The following PCDH11X variants were observed in gnomAD, a reference collection of about 807,000 sequenced individuals.
PCDH11X encodes protocadherin 11 X-linked, also known as protocadherin-11 X-linked.
In PCDH11X, 18 loss-of-function variants were observed where a neutral mutation model predicts 53.3. The observed-to-expected ratio is 0.34, with a 90% CI of 0.23 to 0.50. The LOEUF (loss-of-function observed/expected upper bound fraction) is 0.50, where lower values mean the gene tolerates loss of function less well. Among genes scored for constraint, PCDH11X ranks in the 20% least tolerant of loss-of-function variants. PCDH11X has a pLI of 0.98. For missense variants in PCDH11X, 570 were observed against 1,032.4 expected, an observed-to-expected ratio of 0.55 and a Z score of 6.14; for synonymous variants, 279 against 393.3, an observed-to-expected ratio of 0.71 and a Z score of 3.44.
At chrX:91,781,788 G>C (rs919329116) in intron 1 of PCDH11X, among the ~76,000 whole-genome samples, 6 of 112,244 alleles carry the variant, frequency 5.3e-5, no homozygotes, top group African/African-American at 1.9e-4. Flanking sequence ...ATCATAGAGA[G>C]AGCGCGGACC....
At chrX:92,098,192 C>T (rs762035109) in intron 6 of PCDH11X, among the ~76,000 whole-genome samples, 1 of 110,302 alleles carries the variant, frequency 9.1e-6, no homozygotes, top group East Asian at 2.9e-4. Flanking sequence ...CTTCTTGCAC[C>T]AGTGTTTCCT....
chrX:92,180,305 C>T (rs940589632), intron 6 of PCDH11X, among the ~76,000 whole-genome samples: 1 of 111,197 alleles, frequency 9.0e-6, no homozygotes, highest in Non-Finnish European at 1.9e-5. Flanking sequence ...TCCTTCAACA[C>T]GTGGGGATTA....
intron 8 of PCDH11X, among the ~76,000 whole-genome samples, chrX:92,338,893 A>C (rs1603278100): frequency 8.9e-6 from 1 of 112,001 alleles, no homozygotes; most frequent in Non-Finnish European, 1.9e-5. Context: ...CTTTTATGTG[A>C]AATTCAACAT....
intron 10 of PCDH11X, among the ~76,000 whole-genome samples, chrX:92,588,961 G>A (rs1443122934): frequency 1.8e-5 from 2 of 110,892 alleles, no homozygotes; most frequent in Non-Finnish European, 3.8e-5. Context: ...AATACATCTA[G>A]AAGCAGACTT....
intron 10 of PCDH11X, among the ~76,000 whole-genome samples, chrX:92,608,202 A>T (rs1441969409): frequency 1.2e-5 from 1 of 82,407 alleles, no homozygotes; most frequent in East Asian, 3.2e-4. Flanking sequence ...GAAAAAGAGA[A>T]TTTTTTTTTT....
intron 6 of PCDH11X, among the ~76,000 whole-genome samples, chrX:91,971,957 T>G (rs2061966709): frequency 9.0e-6 from 1 of 111,442 alleles, no homozygotes; most frequent in African/African-American, 3.3e-5. Context: ...GACACAAAAT[T>G]TTAATTAGAT....
intron 10 of PCDH11X, among the ~76,000 whole-genome samples, chrX:92,586,453 G>A (rs1028237712): frequency 1.9e-5 from 2 of 106,316 alleles, no homozygotes; most frequent in African/African-American, 6.9e-5. Context: ...ATGGAACTAT[G>A]GATTGATTAA....
At chrX:92,064,280 G>T (rs2063570131) in intron 6 of PCDH11X, among the ~76,000 whole-genome samples, 1 of 108,616 alleles carries the variant, frequency 9.2e-6, no homozygotes, top group Non-Finnish European at 1.9e-5. Flanking sequence ...AGCAGTGATG[G>T]CCTCATTTTA....
chrX:92,205,601 T>G (rs1211186296), intron 7 of PCDH11X, among the ~76,000 whole-genome samples: 9 of 99,953 alleles, frequency 9.0e-5, no homozygotes, highest in Non-Finnish European at 1.4e-4. Context: ...ATCAATGTTT[T>G]TTTTTTTTTT....
intron 8 of PCDH11X, among the ~76,000 whole-genome samples, chrX:92,267,913 T>C (rs1413685064): frequency 1.8e-5 from 2 of 111,917 alleles, no homozygotes; most frequent in Admixed American, 1.9e-4. Context: ...CTTGTACTTA[T>C]AAAGCTACTA....
intron 6 of PCDH11X, among the ~76,000 whole-genome samples, chrX:92,131,247 T>C (rs1409572454): frequency 8.9e-6 from 1 of 112,337 alleles, no homozygotes; most frequent in Non-Finnish European, 1.9e-5. Context: ...ATATGTACAG[T>C]GTTGATTTTA....
chrX:92,113,101 T>C (rs769485310), intron 6 of PCDH11X: 1 of 571,548 alleles, frequency 1.7e-6, no homozygotes, highest in Non-Finnish European at 2.6e-6. Context: ...ATTTTTTTTT[T>C]TTTGCCTCAA....
intron 6 of PCDH11X, among the ~76,000 whole-genome samples, chrX:92,167,204 A>G (rs2065749774): frequency 9.0e-6 from 1 of 111,438 alleles, no homozygotes; most frequent in South Asian, 3.8e-4. Flanking sequence ...TCTAAAAGCT[A>G]TAAAACTGGA....
intron 6 of PCDH11X, among the ~76,000 whole-genome samples, chrX:92,132,669 GTATATGTATATATATATGTATATATATA>G (rs2065012062): frequency 1.9e-5 from 1 of 51,615 alleles, no homozygotes; most frequent in East Asian, 1.2e-3. Flanking sequence ...ATATATATAT[GTATATGTATATATATATGTATATATATA>G]TATATATATG....
At chrX:91,849,488 G>A (rs984260212) in intron 5 of PCDH11X, among the ~76,000 whole-genome samples, 1 of 108,263 alleles carries the variant, frequency 9.2e-6, no homozygotes, top group Non-Finnish European at 1.9e-5. Flanking sequence ...CCTTCTTTGT[G>A]TCCATGAGTT....
At chrX:92,553,963 A>G (rs1172428916) in intron 10 of PCDH11X, among the ~76,000 whole-genome samples, 1 of 111,476 alleles carries the variant, frequency 9.0e-6, no homozygotes, top group Non-Finnish European at 1.9e-5. Context: ...TTATGGGAAA[A>G]TATTCTTTAT....
chrX:92,062,911 G>A (rs1181912009), intron 6 of PCDH11X, among the ~76,000 whole-genome samples: 1 of 111,343 alleles, frequency 9.0e-6, no homozygotes, highest in Non-Finnish European at 1.9e-5. Flanking sequence ...GTTTGTTGCA[G>A]CACTGTTCAC....
chrX:92,242,411 A>G (rs2148386404), intron 7 of PCDH11X, among the ~76,000 whole-genome samples: 1 of 111,184 alleles, frequency 9.0e-6, no homozygotes, highest in South Asian at 3.8e-4. Context: ...TTCACTTAGC[A>G]TAATTCTCTG....
At chrX:92,139,657 G>A (rs2065146173) in intron 6 of PCDH11X, among the ~76,000 whole-genome samples, 1 of 111,303 alleles carries the variant, frequency 9.0e-6, no homozygotes, top group African/African-American at 3.3e-5. Flanking sequence ...TTATCCATGA[G>A]ACAACAATAA....
Sources: gnomAD v4.1 joint callset for allele counts (sites outside exome capture counted in the v4.1 genomes callset) on GRCh38, gnomAD v4.1.1 for gene constraint, MANE v1.5 for transcripts, NCBI Gene and HGNC (gene_info 2026-07-23, HGNC 2026-07-21) for gene names.